The following COL4A2 variants were observed in gnomAD, a reference collection of about 807,000 sequenced individuals.
COL4A2 encodes the protein collagen alpha-2(IV) chain.
Under a neutral mutation model 200.2 loss-of-function variants are expected in COL4A2, and 99 were observed. The observed-to-expected ratio is 0.49, with a 90% CI of 0.42 to 0.58. The LOEUF is 0.58. COL4A2 is among the 20% of genes least tolerant of loss of function. The pLI, the probability that COL4A2 is intolerant of heterozygous loss-of-function variation, is 0.00. For synonymous variants in COL4A2, 897 were observed against 900.6 expected (o/e 1.00, Z 0.07); for missense variants, 1,950 against 2,314.1 (o/e 0.84, Z 3.23).
rs1470421120 is a variant in COL4A2 at position 110,491,215 on chromosome 13, G to T, written c.3347-18G>T. 1.9e-6 allele frequency: 3 copies of T among 1,560,186 alleles called. No homozygotes were observed. The highest frequency in any genetic ancestry group is 4.7e-5 in the East Asian group (2 of 42,884). On this transcript the variant is annotated intron_variant, in intron 36 of 47. Transcript: ENST00000360467. ...GCGCGGTGTCTGTTTGTTCCAAGCA[G>T]CATGTCTGTGGTTGCAGGTCTGAAG...
Position 110,492,143 on chromosome 13 carries a change from A to C in COL4A2, c.3528A>C (p.Gly1176=), listed in dbSNP as rs1883305101. The C allele has an allele frequency of 1.3e-6, 2 of 1,553,382 alleles. No individual in the cohort carries two copies. The highest frequency in any genetic ancestry group is 1.7e-6 in the Non-Finnish European group (2 of 1,147,832). Reference sequence around the variant, plus strand: ...GGATTGGACTGCCTGGTGGCAAAGGAGATGATGGCTGGCCGGGAGCTCCGG... The same window carrying C: ...GGATTGGACTGCCTGGTGGCAAAGGCGATGATGGCTGGCCGGGAGCTCCGG... ...LGRIGLPGGK[G]DDGWPGAPGL... Residue 1176 remains glycine, a synonymous_variant, in exon 38 of 48, where the codon GGA becomes GGC. Coordinates refer to ENST00000360467, the MANE Select transcript of COL4A2 (RefSeq NM_001846.4).
chr13:110,417,819 G>A (rs1198633883), intron 4 of COL4A2, among the ~76,000 whole-genome samples: 1 of 151,922 alleles, frequency 6.6e-6, no homozygotes, highest in Admixed American at 6.6e-5. Flanking sequence ...TTGCCAAATA[G>A]CAATCCCAGG....
chr13:110,487,633 T>C lies in COL4A2; in HGVS notation c.3207+1797T>C, dbSNP rs1883156882. ...CACAGCATTATCTGTGCATTTTATC[T>C]CCATACACAGCAATAAATGAGAATT... On this transcript the variant is annotated intron_variant, in intron 34 of 47. Transcript: ENST00000360467. Among the ~76,000 whole-genome samples the C allele has an allele frequency of 4.6e-5, 7 of 152,188 alleles. No homozygotes were observed. The South Asian group carries it at 1.4e-3, about 32-fold the overall frequency.
rs367797470 is a variant in COL4A2, at chr13:110,491,298, G to A, written c.3412G>A (p.Val1138Met). ...GDIGFPGITG[V>M]TGVQGPPGLK... ...CATCGGCTTCCCTGGGATAACAGGC[G>A]TGACTGGAGTCCAAGGCCCTCCTGG... Residue 1138 changes from valine (V) to methionine (M), a missense_variant, in exon 37 of 48, where the codon GTG becomes ATG. Physicochemically the swap from Val to Met is conservative, Grantham distance 21. Transcript: ENST00000360467. 67 of 1,598,156 alleles carry A rather than the reference G, an allele frequency of 4.2e-5. 1 individual carries two copies. The highest frequency in any genetic ancestry group is 4.0e-4 in the African/African-American group (30 of 74,646).
chr13:110,334,893 C>T lies in COL4A2; in HGVS notation c.100-22579C>T, dbSNP rs76593986. Among the ~76,000 whole-genome samples, 127 of 152,336 alleles carry T rather than the reference C, an allele frequency of 8.3e-4. 1 individual carries two copies. The East Asian group carries it at 0.022, about 26-fold the overall frequency. The stretch of plus-strand genomic sequence containing the variant: ...ATGCTGAACGTTCTCCCGGAGCAGG[C>T]CTGCTTCAGCCCTCGGTCTGATTCA... On this transcript the variant is annotated intron_variant, in intron 3 of 47. Transcript: ENST00000360467.
chr13:110,308,035 C>T (rs1253802581), intron 2 of COL4A2, 34 bp from the exon 3 acceptor site: 9 of 1,611,748 alleles, frequency 5.6e-6, no homozygotes, highest in African/African-American at 2.7e-5. Flanking sequence ...CGGGCCCGCA[C>T]GTTCACGTCT....
intron 24 of COL4A2, among the ~76,000 whole-genome samples, chr13:110,462,786 G>A (rs1452262386): frequency 6.6e-6 from 1 of 152,156 alleles, no homozygotes; most frequent in Non-Finnish European, 1.5e-5. Context: ...CTAGTAGCCT[G>A]CAGAGACCCC....
Position 110,457,386 on chromosome 13 carries a change from C to T in COL4A2, c.1383C>T (p.Phe461=), listed in dbSNP as rs1881805374. The stretch of plus-strand genomic sequence containing the variant: ...AAGGAGCAAAAGGAAGAGCAGGCTT[C>T]CCTGGGCTTCCCGGCTCCCCTGGAG... ...GLKGAKGRAG[F]PGLPGSPGAR... Residue 461 remains phenylalanine (F), a synonymous_variant, in exon 21 of 48, where the codon TTC becomes TTT. Transcript: ENST00000360467. 1 of 1,613,646 alleles carries T rather than the reference C, an allele frequency of 6.2e-7. No homozygotes were observed. The highest frequency in any genetic ancestry group is 8.5e-7 in the Non-Finnish European group (1 of 1,179,664).
intron 3 of COL4A2, chr13:110,328,336 A>T (rs188141734): frequency 6.6e-6 from 1 of 152,330 alleles, no homozygotes; most frequent in East Asian, 1.9e-4. Context: ...TCCAATTCAG[A>T]TATTTTTTCT....
intron 4 of COL4A2, among the ~76,000 whole-genome samples, chr13:110,401,207 C>T (rs1270093302): frequency 6.6e-6 from 1 of 152,170 alleles, no homozygotes; most frequent in African/African-American, 2.4e-5. Flanking sequence ...AGAACAAGCT[C>T]ATAGGTACAA....
At position 110,485,747 on chromosome 13, in the gene COL4A2, G is replaced by T; in HGVS notation, c.3118G>T (p.Gly1040Ter). ...GHIKGVKGDI[G>*]VPGIPGLPGF... ...CATCAAAGGAGTCAAGGGAGACATC[G>T]GAGTCCCCGGCATCCCCGGTTTGCC... is the stretch of plus-strand genomic sequence containing the variant. Residue 1040 changes from glycine to a stop codon, truncating the protein, a stop_gained, in exon 34 of 48, where the codon GGA becomes TGA. Transcript: ENST00000360467. LOFTEE classifies it high-confidence loss of function. 2 of 1,613,888 alleles carry T rather than the reference G, an allele frequency of 1.2e-6. No individual in the cohort carries two copies. The highest frequency in any genetic ancestry group is 2.2e-5 in the East Asian group (1 of 44,866).
intron 10 of COL4A2, among the ~76,000 whole-genome samples, chr13:110,431,172 G>A (rs1016079066): frequency 1.1e-4 from 17 of 152,288 alleles, no homozygotes; most frequent in African/African-American, 3.1e-4. Context: ...TGGCCACTGC[G>A]AGAGCTCCTG....
chr13:110,415,804 T>C (rs1880020421), intron 4 of COL4A2, among the ~76,000 whole-genome samples: 1 of 152,192 alleles, frequency 6.6e-6, no homozygotes, highest in Admixed American at 6.5e-5. Context: ...TCCTCTCTGC[T>C]TCCACCTGGG....
At chr13:110,366,938 G>A (rs2139397715) in intron 4 of COL4A2, among the ~76,000 whole-genome samples, 1 of 152,332 alleles carries the variant, frequency 6.6e-6, no homozygotes, top group African/African-American at 2.4e-5. Flanking sequence ...GACCACTGAA[G>A]CGCTCAAGGT....
chr13:110,350,172 C>T (rs949351718), intron 3 of COL4A2, among the ~76,000 whole-genome samples: 3 of 152,214 alleles, frequency 2.0e-5, no homozygotes, highest in East Asian at 1.9e-4. Flanking sequence ...CAAAGATTCC[C>T]GTTCTGCACC....
At chr13:110,443,003 T>C (rs2139472832) in intron 16 of COL4A2, among the ~76,000 whole-genome samples, 1 of 152,316 alleles carries the variant, frequency 6.6e-6, no homozygotes, top group East Asian at 1.9e-4. Context: ...ACTTCAGGGA[T>C]GTTGCATTTG....
At position 110,480,285 on chromosome 13, in the gene COL4A2, C is replaced by G. The variant is rs780630242; in HGVS notation, c.2653C>G (p.Leu885Val). 4.3e-6 allele frequency: 7 copies of G among 1,613,818 alleles called. No individual in the cohort carries two copies. Among genetic ancestry groups the G allele is most frequent in the Non-Finnish European group, 5.9e-6 (7 of 1,179,888 alleles). The change falls in exon 31 of 48, where the codon CTC (leucine) becomes GTC (valine). Residue 885 changes from leucine (L) to valine (V), a missense_variant. Leu to Val is a conservative substitution (Grantham distance 32). This residue lies in a region of COL4A2 where 1,385 missense variants were observed against 1,720.5 expected (regional missense o/e 0.80). Coordinates refer to ENST00000360467, the MANE Select transcript of COL4A2 (RefSeq NM_001846.4). Reference sequence around the variant, plus strand: ...TCCTGGCCCTGTGGGCATGAAAGGTCTCTCTGGTGACAGAGGAGATGCTGG... The same window carrying G: ...TCCTGGCCCTGTGGGCATGAAAGGTGTCTCTGGTGACAGAGGAGATGCTGG... ...GAPGPVGMKG[L>V]SGDRGDAGFT...
intron 20 of COL4A2, among the ~76,000 whole-genome samples, chr13:110,451,639 GA>G: frequency 6.6e-6 from 1 of 152,312 alleles, no homozygotes; most frequent in Non-Finnish European, 1.5e-5. Flanking sequence ...CAGCATGGTG[GA>G]AACTGCCTCC....
chr13:110,472,113 C>CTTTTTTT (rs112919154), intron 28 of COL4A2, among the ~76,000 whole-genome samples: 1 of 145,962 alleles, frequency 6.9e-6, no homozygotes. Flanking sequence ...TTTCTTTTTT[C>CTTTTTTT]TTTTTATTTT....
Sources: allele counts gnomAD v4.1 joint callset (sites outside exome capture counted in the v4.1 genomes callset), GRCh38; gene constraint gnomAD v4.1.1; regional missense constraint gnomAD v4.1.1; transcripts MANE v1.5; gene names NCBI Gene and HGNC (gene_info 2026-07-23, HGNC 2026-07-21).